Variants in DMD observed in about 807,000 individuals in gnomAD.
DMD encodes the protein dystrophin.
Under a neutral mutation model 330.1 loss-of-function variants are expected in DMD, and 63 were observed. The ratio of observed to expected loss-of-function variants is 0.19; its 90% CI spans 0.16 to 0.24. DMD has a LOEUF of 0.24. Among genes scored for constraint, DMD ranks in the 10% least tolerant of loss-of-function variants. DMD has a pLI of 1.00. For missense variants in DMD, 3,344 were observed against 2,684.1 expected (o/e 1.25, Z -5.43); for synonymous variants, 1,223 against 959.8 (o/e 1.27, Z -5.07).
At chrX:32,531,050 G>T (rs948791498) in intron 17 of DMD, among the ~76,000 whole-genome samples, 23 of 111,426 alleles carry the variant, frequency 2.1e-4, no homozygotes, top group Non-Finnish European at 3.6e-4. Context: ...GGCTTCTTTC[G>T]TTTTCTTATC....
chrX:31,368,230 C>T (rs2059362738), intron 60 of DMD, among the ~76,000 whole-genome samples: 1 of 112,615 alleles, frequency 8.9e-6, no homozygotes, highest in Non-Finnish European at 1.9e-5. Flanking sequence ...CTCCCAACTT[C>T]TGCACAGTGT....
In DMD at chrX:31,657,659, C is replaced by A. The variant is rs761185907; in HGVS notation, c.8027+331G>T. On this transcript the variant is annotated intron_variant, in intron 54 of 78. Coordinates refer to ENST00000357033, the MANE Select transcript of DMD (RefSeq NM_004006.3). ...ATCAGATAACAGGTAAGGCAGTGTG[C>A]GCCATGATGAGATAGAAAGATATTC... Among the ~76,000 whole-genome samples the A allele has an allele frequency of 3.6e-5, 4 of 111,796 alleles. No homozygotes were observed. In the South Asian group the frequency reaches 1.5e-3, roughly 42 times the overall value.
intron 55 of DMD, among the ~76,000 whole-genome samples, chrX:31,574,342 A>G (rs375637049): frequency 9.2e-6 from 1 of 108,910 alleles, no homozygotes; most frequent in Non-Finnish European, 1.9e-5. Context: ...ATGGGGTTTC[A>G]CCATGTTAGC....
intron 2 of DMD, among the ~76,000 whole-genome samples, chrX:32,853,400 T>G (rs2081289343): frequency 9.0e-6 from 1 of 111,719 alleles, no homozygotes; most frequent in Admixed American, 9.5e-5. Flanking sequence ...TCTAATAACT[T>G]TAAGACATAG....
chrX:33,293,740 G>GCTAA (rs1248992984), intron 1 of DMD, among the ~76,000 whole-genome samples: 1 of 111,544 alleles, frequency 9.0e-6, no homozygotes, highest in Non-Finnish European at 1.9e-5. Context: ...TCATAGTGTA[G>GCTAA]CTAATATTAA....
intron 59 of DMD, among the ~76,000 whole-genome samples, chrX:31,469,467 ATTCTT>A (rs976815089): frequency 8.9e-6 from 1 of 111,923 alleles, no homozygotes; most frequent in African/African-American, 3.3e-5. Context: ...TGGGTTGAAA[ATTCTT>A]TTCTTTAAGA....
chrX:32,858,300 A>T (rs187883306), intron 2 of DMD, among the ~76,000 whole-genome samples: 35 of 112,034 alleles, frequency 3.1e-4, no homozygotes, highest in Non-Finnish European at 5.5e-4. Flanking sequence ...TTCTTCTTTT[A>T]ATATATGCTT....
intron 1 of DMD, among the ~76,000 whole-genome samples, chrX:33,194,090 T>C (rs893359682): frequency 9.0e-6 from 1 of 111,267 alleles, no homozygotes; most frequent in African/African-American, 3.3e-5. Flanking sequence ...TTTTTTGCCA[T>C]AGTTTTTATA....
At chrX:32,319,560 A>G (rs1287372092) in intron 41 of DMD, among the ~76,000 whole-genome samples, 1 of 111,958 alleles carries the variant, frequency 8.9e-6, no homozygotes, top group Admixed American at 9.5e-5. Context: ...TCATTTTATA[A>G]TGCAATCTTT....
At chrX:32,711,885 A>G (rs944301847) in intron 7 of DMD, among the ~76,000 whole-genome samples, 2 of 111,974 alleles carry the variant, frequency 1.8e-5, no homozygotes, top group African/African-American at 6.5e-5. Context: ...ATTAGTAAAG[A>G]TTCAAAATTT....
intron 29 of DMD, among the ~76,000 whole-genome samples, chrX:32,430,028 C>T (rs1037823531): frequency 3.6e-5 from 4 of 110,592 alleles, no homozygotes; most frequent in Non-Finnish European, 7.6e-5. Flanking sequence ...TTTTTTTTCA[C>T]TCTGATAATG....
chrX:32,279,233 C>A (rs777204786), intron 43 of DMD, among the ~76,000 whole-genome samples: 3 of 111,437 alleles, frequency 2.7e-5, no homozygotes, highest in Admixed American at 1.9e-4. Flanking sequence ...TTAGTACAAC[C>A]AAAATGGAGA....
At chrX:32,876,795 C>T (rs763333777) in intron 2 of DMD, among the ~76,000 whole-genome samples, 5 of 112,088 alleles carry the variant, frequency 4.5e-5, no homozygotes, top group Non-Finnish European at 9.4e-5. Context: ...GCTACATTCA[C>T]TTTTTGACTG....
Position 31,868,084 on chromosome X carries a change from T to A in DMD, c.7098+7104A>T, listed in dbSNP as rs114833339. 7.7e-3 allele frequency among the ~76,000 whole-genome samples: 864 copies of A among 111,493 alleles called. 7 individuals carry two copies. The highest frequency in any genetic ancestry group is 0.027 in the African/African-American group (820 of 30,702). Reference sequence around the variant, plus strand: ...TCTGGGACACAGACTTCTGATGCCATTGCTTAAATAACTTCGAGATTATAC... The same window carrying A: ...TCTGGGACACAGACTTCTGATGCCAATGCTTAAATAACTTCGAGATTATAC... On this transcript the variant is annotated intron_variant, in intron 48 of 78. Coordinates refer to ENST00000357033, the MANE Select transcript of DMD (RefSeq NM_004006.3).
chrX:32,567,087 G>A (rs2051811275), intron 15 of DMD, among the ~76,000 whole-genome samples: 1 of 111,699 alleles, frequency 9.0e-6, no homozygotes, highest in South Asian at 3.7e-4. Context: ...GACAATCTAA[G>A]TAGCCCATTT....
At chrX:32,429,462 G>A (rs962287913) in intron 29 of DMD, among the ~76,000 whole-genome samples, 2 of 91,718 alleles carry the variant, frequency 2.2e-5, no homozygotes, top group Non-Finnish European at 4.1e-5. Context: ...TGGTCTGCCT[G>A]CCTTGGCCTC....
chrX:32,541,049 G>A (rs928329421), intron 17 of DMD, among the ~76,000 whole-genome samples: 1 of 111,593 alleles, frequency 9.0e-6, no homozygotes, highest in African/African-American at 3.3e-5. Flanking sequence ...AACATGAAAT[G>A]ACGGAAATGA....
At chrX:32,192,919 T>C (rs1280056374) in intron 44 of DMD, among the ~76,000 whole-genome samples, 1 of 112,177 alleles carries the variant, frequency 8.9e-6, no homozygotes, top group African/African-American at 3.2e-5. Context: ...CCAAATCTCA[T>C]CTTGAAATGT....
intron 48 of DMD, among the ~76,000 whole-genome samples, chrX:31,839,431 A>T (rs144317761): frequency 7.0e-4 from 79 of 112,061 alleles, no homozygotes; most frequent in Non-Finnish European, 8.5e-4. Flanking sequence ...GTGTATTACT[A>T]GAGACATTTG....
Sources: gnomAD v4.1 joint callset for allele counts (sites outside exome capture counted in the v4.1 genomes callset) on GRCh38, gnomAD v4.1.1 for gene constraint, MANE v1.5 for transcripts, NCBI Gene and HGNC (gene_info 2026-07-23, HGNC 2026-07-21) for gene names.